The following TNPO1 variants were observed in gnomAD, a reference collection of about 807,000 sequenced individuals.
The protein encoded by TNPO1 is transportin-1.
In TNPO1, 8 loss-of-function variants were observed where a neutral mutation model predicts 119.5. The observed-to-expected ratio is 0.07, with a 90% confidence interval of 0.04 to 0.12. The LOEUF is 0.12. TNPO1 is among the 10% of genes least tolerant of loss of function. TNPO1 has a pLI of 1.00. For synonymous variants in TNPO1, 362 were observed against 363.0 expected, an observed-to-expected ratio of 1.00 and a Z score of 0.03; for missense variants, 576 against 1,089.8, an observed-to-expected ratio of 0.53 and a Z score of 6.64.
intron 1 of TNPO1, among the ~76,000 whole-genome samples, chr5:72,841,157 G>A (rs991378928): frequency 8.6e-6 from 1 of 115,800 alleles, no homozygotes; most frequent in South Asian, 2.7e-4. Context: ...TTTCCCTCTT[G>A]TTGCCCAGGC....
chr5:72,887,061 T>C lies in TNPO1; in HGVS notation c.1151-9T>C. The C allele has an allele frequency of 6.2e-7, 1 of 1,601,688 alleles. No individual in the cohort carries two copies. The highest frequency in any genetic ancestry group is 1.1e-5 in the South Asian group (1 of 88,090). On this transcript the variant is annotated splice_polypyrimidine_tract_variant and intron_variant, in intron 11 of 24. Coordinates refer to ENST00000337273, the MANE Select transcript of TNPO1 (RefSeq NM_002270.4). The stretch of plus-strand genomic sequence containing the variant: ...TAATGTAATATTTTTGAATTAAATA[T>C]TTCCTTAGGAAAATGTTCTGCTGCT...
chr5:72,885,168 A>G (rs974921683), intron 11 of TNPO1, among the ~76,000 whole-genome samples: 4 of 152,270 alleles, frequency 2.6e-5, no homozygotes, highest in Non-Finnish European at 5.9e-5. Context: ...GAATAAAGTC[A>G]TATTTAACAT....
chr5:72,848,001 C>T (rs1195613272), intron 1 of TNPO1: 1 of 958,248 alleles, frequency 1.0e-6, no homozygotes, highest in African/African-American at 1.8e-5. Context: ...TTTATTAGCC[C>T]TTAAGTCAGT....
At chr5:72,859,635 A>G (rs1485278812) in intron 4 of TNPO1, among the ~76,000 whole-genome samples, 1 of 152,204 alleles carries the variant, frequency 6.6e-6, no homozygotes, top group Non-Finnish European at 1.5e-5. Context: ...CATCAGATGA[A>G]GTAAAGATGT....
intron 1 of TNPO1, among the ~76,000 whole-genome samples, chr5:72,841,148 T>G (rs1744894809): frequency 6.6e-6 from 1 of 151,732 alleles, no homozygotes; most frequent in Non-Finnish European, 1.5e-5. Flanking sequence ...GAGACCGAAT[T>G]TCCCTCTTGT....
Position 72,888,157 on chromosome 5 carries a change from T to C in TNPO1, c.1383T>C (p.Leu461=), listed in dbSNP as rs1230880105. The stretch of plus-strand genomic sequence containing the variant: ...AGTGCCTCTCTGATAAAAAGGCTCT[T>C]GTGCGTTCCATAACATGCTGGACTC... ...LIQCLSDKKA[L]VRSITCWTLS... The change falls in exon 13 of 25, where the codon CTT becomes CTC. Residue 461 remains leucine, a synonymous_variant. Transcript: ENST00000337273. 3 of 1,614,208 alleles carry C rather than the reference T, an allele frequency of 1.9e-6. No homozygotes were observed. Among genetic ancestry groups the C allele is most frequent in the Non-Finnish European group, 2.5e-6 (3 of 1,180,048 alleles).
intron 1 of TNPO1, among the ~76,000 whole-genome samples, chr5:72,818,902 C>T (rs1275903462): frequency 6.6e-6 from 1 of 152,128 alleles, no homozygotes; most frequent in Non-Finnish European, 1.5e-5. Context: ...TCTTAGTTGA[C>T]CCTATTCAGC....
chr5:72,838,126 A>G (rs1223934115), intron 1 of TNPO1, among the ~76,000 whole-genome samples: 3 of 152,184 alleles, frequency 2.0e-5, no homozygotes, highest in African/African-American at 7.2e-5. Context: ...TTTGCTATCT[A>G]AACTGCTCTG....
At chr5:72,851,055 G>T in intron 2 of TNPO1, 189 bp from the exon 3 acceptor site, 1 of 531,344 alleles carries the variant, frequency 1.9e-6, no homozygotes. Flanking sequence ...CACCTAAGAG[G>T]TTTAGCAAGC....
intron 21 of TNPO1, 80 bp downstream of exon 21, chr5:72,900,161 A>G (rs1168450182): frequency 7.8e-7 from 1 of 1,283,898 alleles, no homozygotes; most frequent in Non-Finnish European, 1.1e-6. Flanking sequence ...ATATATTTTC[A>G]GTTGGTTACA....
chr5:72,857,570 C>T (rs923379208), intron 4 of TNPO1, among the ~76,000 whole-genome samples: 2 of 152,110 alleles, frequency 1.3e-5, no homozygotes, highest in African/African-American at 2.4e-5. Flanking sequence ...GAATGGTGAG[C>T]GTGTGCCAGC....
At chr5:72,821,301 G>T (rs155426) in intron 1 of TNPO1, among the ~76,000 whole-genome samples, 25,142 of 152,020 alleles carry the variant, frequency 0.17, 2,255 homozygotes, top group South Asian at 0.25. Flanking sequence ...TACCACAAAT[G>T]AAAAAGTTAA....
At chr5:72,874,362 A>G (rs1254687206) in intron 7 of TNPO1, among the ~76,000 whole-genome samples, 3 of 152,194 alleles carry the variant, frequency 2.0e-5, no homozygotes, top group Non-Finnish European at 4.4e-5. Context: ...TTACCAGTAC[A>G]TGGCTATAAT....
intron 8 of TNPO1, among the ~76,000 whole-genome samples, chr5:72,876,427 A>G (rs555022766): frequency 6.6e-6 from 1 of 152,350 alleles, no homozygotes; most frequent in East Asian, 1.9e-4. Context: ...TCCAGAGGAC[A>G]TGAGAAATCT....
chr5:72,847,423 CGT>C, intron 1 of TNPO1, among the ~76,000 whole-genome samples: 1 of 152,310 alleles, frequency 6.6e-6, no homozygotes, highest in South Asian at 2.1e-4. Context: ...AACCTATATT[CGT>C]GTCTCAGTCT....
intron 18 of TNPO1, among the ~76,000 whole-genome samples, chr5:72,895,345 T>G (rs925637086): frequency 1.1e-5 from 1 of 93,944 alleles, no homozygotes; most frequent in South Asian, 3.6e-4. Context: ...TAGTGTCTAG[T>G]TGTCCCTCCT....
chr5:72,865,496 T>G, intron 5 of TNPO1, 100 bp from the exon 6 acceptor site: 1 of 1,326,536 alleles, frequency 7.5e-7, no homozygotes. Context: ...TTATGTGGGC[T>G]GAGAACATTA....
At chr5:72,893,000 G>T in intron 15 of TNPO1, 139 bp from the exon 16 acceptor site, 1 of 560,300 alleles carries the variant, frequency 1.8e-6, no homozygotes, top group African/African-American at 2.2e-5. Context: ...GTTGGGGTGG[G>T]GGGAGGGGAA....
chr5:72,894,091 A>G (rs1037043486), intron 18 of TNPO1, among the ~76,000 whole-genome samples: 1 of 152,208 alleles, frequency 6.6e-6, no homozygotes, highest in African/African-American at 2.4e-5. Context: ...AAACCAGCAT[A>G]CTTTTTCAGA....
Sources: allele counts gnomAD v4.1 joint callset (sites outside exome capture counted in the v4.1 genomes callset), GRCh38; gene constraint gnomAD v4.1.1; transcripts MANE v1.5; gene names NCBI Gene and HGNC (gene_info 2026-07-23, HGNC 2026-07-21).